Variants in EDRF1 observed in about 807,000 individuals in gnomAD.
The protein encoded by EDRF1 is erythroid differentiation-related factor 1.
A neutral mutation model predicts 148.7 loss-of-function variants in EDRF1; 69 were observed. The ratio of observed to expected loss-of-function variants is 0.46; its 90% CI spans 0.38 to 0.57. EDRF1 has a LOEUF of 0.57. Ranked by LOEUF, EDRF1 falls within the 20% of genes least tolerant of loss-of-function variation. The pLI, the probability that EDRF1 is intolerant of heterozygous loss-of-function variation, is 0.00. For missense variants in EDRF1, 1,118 were observed against 1,478.7 expected (o/e 0.76, Z 4.00); for synonymous variants, 515 against 532.8 (o/e 0.97, Z 0.46).
At chr10:125,737,729 T>G (rs1848813407) in intron 13 of EDRF1, among the ~76,000 whole-genome samples, 189 bp from the exon 14 acceptor site, 1 of 152,232 alleles carries the variant, frequency 6.6e-6, no homozygotes, top group Admixed American at 6.5e-5. Context: ...ACTACTCTAG[T>G]TCTTGCTTTT....
intron 13 of EDRF1, 122 bp downstream of exon 13, chr10:125,736,026 T>A: frequency 1.0e-6 from 1 of 982,202 alleles, no homozygotes; most frequent in Non-Finnish European, 1.5e-6. Flanking sequence ...CATCTAGTAA[T>A]CATTAGTTTT....
At position 125,741,094 on chromosome 10, in the gene EDRF1, T is replaced by C; in HGVS notation, c.2264T>C (p.Leu755Pro). 4 of 1,614,172 alleles carry C rather than the reference T, an allele frequency of 2.5e-6. No homozygotes were observed. The highest frequency in any genetic ancestry group is 3.4e-6 in the Non-Finnish European group (4 of 1,180,040). The change falls in exon 17 of 25, where the codon CTG (leucine) becomes CCG (proline). Residue 755 changes from leucine to proline, a missense_variant. By Grantham distance (98) the Leu-to-Pro change is moderately conservative. Coordinates refer to ENST00000356792, the MANE Select transcript of EDRF1 (RefSeq NM_001202438.2). Reference sequence around the variant, plus strand: ...CTTTGTGGTGATATCCAACTAATGCTGGCCCAGAATGCAAATAATAGAGCA... The same window carrying C: ...CTTTGTGGTGATATCCAACTAATGCCGGCCCAGAATGCAAATAATAGAGCA... ...LTLCGDIQLM[L>P]AQNANNRAAH...
intron 15 of EDRF1, 111 bp from the exon 16 acceptor site, chr10:125,740,352 C>A: frequency 9.0e-7 from 1 of 1,109,734 alleles, no homozygotes; most frequent in Non-Finnish European, 1.3e-6. Flanking sequence ...ATTTACCAGT[C>A]TTGTCACCTA....
At chr10:125,745,674 T>C in intron 18 of EDRF1, 33 bp from the exon 19 acceptor site, 1 of 1,606,198 alleles carries the variant, frequency 6.2e-7, no homozygotes, top group Non-Finnish European at 8.5e-7. Context: ...TGATGTCTGC[T>C]TACACAGTTG....
In EDRF1 at chr10:125,725,667, T is replaced by A; in HGVS notation, c.636-15T>A. Reference sequence around the variant, plus strand: ...TTTAGTAACAGCAATCCTTTTTTATTTCTGGTTTGGCCAGTATCAATGGTG... The same window carrying A: ...TTTAGTAACAGCAATCCTTTTTTATATCTGGTTTGGCCAGTATCAATGGTG... On this transcript the variant is annotated splice_polypyrimidine_tract_variant and intron_variant, in intron 5 of 24. Coordinates refer to ENST00000356792, the MANE Select transcript of EDRF1 (RefSeq NM_001202438.2). 6 of 1,614,098 alleles carry A rather than the reference T, an allele frequency of 3.7e-6. No individual in the cohort carries two copies. Among genetic ancestry groups the A allele is most frequent in the Non-Finnish European group, 5.1e-6 (6 of 1,179,994 alleles).
chr10:125,748,101 T>G, intron 21 of EDRF1, 89 bp downstream of exon 21: 4 of 1,475,512 alleles, frequency 2.7e-6, no homozygotes, highest in South Asian at 1.1e-5. Context: ...CATATATGTC[T>G]TCCTTGACGT....
Position 125,733,514 on chromosome 10 carries a change from T to C in EDRF1, c.1239T>C (p.Asn413=), listed in dbSNP as rs1848573400. The C allele has an allele frequency of 6.2e-7, 1 of 1,600,706 alleles. No individual in the cohort carries two copies. Among genetic ancestry groups the C allele is most frequent in the Non-Finnish European group, 8.6e-7 (1 of 1,168,004 alleles). ...AQNILSFLKS[N]CTKEGHTYWL... is the part of the protein sequence containing the mutation. Reference sequence around the variant, plus strand: ...ATATTTTATCATTTTTGAAATCTAATTGTACCAAAGAAGGACATACCTATT... The same window carrying C: ...ATATTTTATCATTTTTGAAATCTAACTGTACCAAAGAAGGACATACCTATT... Residue 413 remains asparagine, a synonymous_variant, in exon 10 of 25, where the codon AAT becomes AAC. Transcript: ENST00000356792.
intron 9 of EDRF1, among the ~76,000 whole-genome samples, chr10:125,732,299 A>G (rs924165222): frequency 1.3e-5 from 2 of 152,216 alleles, no homozygotes; most frequent in African/African-American, 4.8e-5. Flanking sequence ...CAGGAGTCAA[A>G]GGAGATTCCA....
At chr10:125,750,802 G>A (rs1455164216) in intron 22 of EDRF1, among the ~76,000 whole-genome samples, 1 of 152,190 alleles carries the variant, frequency 6.6e-6, no homozygotes, top group Non-Finnish European at 1.5e-5. Context: ...CTAGATGTGT[G>A]GGACAGTCAC....
intron 2 of EDRF1, 132 bp from the exon 3 acceptor site, chr10:125,722,936 C>G: frequency 1.2e-6 from 1 of 831,074 alleles, no homozygotes; most frequent in Non-Finnish European, 2.1e-6. Flanking sequence ...TGATACACAT[C>G]CTGGTTTCAG....
At position 125,749,793 on chromosome 10, in the gene EDRF1, T is replaced by C. The variant is rs188165121; in HGVS notation, c.3277+228T>C. 1.7e-4 allele frequency: 93 copies of C among 553,458 alleles called. 1 individual carries two copies. Among genetic ancestry groups the C allele is most frequent in the African/African-American group, 1.5e-3 (80 of 53,008 alleles). 34.3% of individuals were successfully genotyped at this position (553,458 alleles called of 1,614,324 possible). ...TTCAGTGACTAGAAATACTGAGATA[T>C]GGCCCATGACCCCTAGTTTGGAAAA... is the stretch of plus-strand genomic sequence containing the variant. On this transcript the variant is annotated intron_variant, in intron 22 of 24. Coordinates refer to ENST00000356792, the MANE Select transcript of EDRF1 (RefSeq NM_001202438.2).
At chr10:125,723,460 A>G (rs890728725) in intron 3 of EDRF1, among the ~76,000 whole-genome samples, 1 of 152,214 alleles carries the variant, frequency 6.6e-6, no homozygotes, top group African/African-American at 2.4e-5. Flanking sequence ...GTTACAAATG[A>G]TATTTCTAGT....
In EDRF1 at chr10:125,737,927, G is replaced by A; in HGVS notation, c.1768G>A (p.Ala590Thr). The A allele has an allele frequency of 6.2e-7, 1 of 1,613,836 alleles. No individual in the cohort carries two copies. Among genetic ancestry groups the A allele is most frequent in the East Asian group, 2.2e-5 (1 of 44,862 alleles). ...ATGTTTGTTCCTCAAGCCCAGTTGT[G>A]CATTTCCAGTTTGCCATGACACAGA... ...KSIHQIRPSC[A>T]FPVCHDTEER... is the part of the protein sequence containing the mutation. The change falls in exon 14 of 25, where the codon GCA becomes ACA. Residue 590 changes from alanine (A) to threonine (T), a missense_variant. Around this residue, in one of 3 missense-constraint regions of EDRF1, gnomAD observed 954 missense variants for 1,241.4 expected, o/e 0.77. Transcript: ENST00000356792.
intron 2 of EDRF1, among the ~76,000 whole-genome samples, chr10:125,722,058 T>C (rs11244624): frequency 0.25 from 37,586 of 151,526 alleles, 5,965 homozygotes; most frequent in Non-Finnish European, 0.37. Context: ...ACTAATACTT[T>C]ATGAGCTGGT....
chr10:125,729,492 C>T lies in EDRF1; in HGVS notation c.1016+13C>T, dbSNP rs758385197. 6.2e-7 allele frequency: 1 copy of T among 1,614,092 alleles called. No individual in the cohort carries two copies. Among genetic ancestry groups the T allele is most frequent in the South Asian group, 1.1e-5 (1 of 91,078 alleles). On this transcript the variant is annotated intron_variant, in intron 8 of 24. Transcript: ENST00000356792. ...GCTTACGTCTCAGGTGAACTAACAT[C>T]ATACCCCTCCTCAAGCTTATGGTAT...
chr10:125,762,841 A>T (rs547451542), intron 24 of EDRF1, among the ~76,000 whole-genome samples: 4 of 152,316 alleles, frequency 2.6e-5, no homozygotes, highest in African/African-American at 9.6e-5. Context: ...CTTGAGGAAC[A>T]GAGGAAATAC....
At chr10:125,747,378 T>TGAAA in intron 19 of EDRF1, 158 bp from the exon 20 acceptor site, 1 of 829,800 alleles carries the variant, frequency 1.2e-6, no homozygotes, top group Non-Finnish European at 1.9e-6. Flanking sequence ...AATATTTTCA[T>TGAAA]TGACTTACTT....
chr10:125,719,769 T>G lies in EDRF1; in HGVS notation c.-39T>G. 1 of 1,557,468 alleles carries G rather than the reference T, an allele frequency of 6.4e-7. No individual in the cohort carries two copies. The highest frequency in any genetic ancestry group is 8.8e-7 in the Non-Finnish European group (1 of 1,140,170). On this transcript the variant is annotated 5_prime_UTR_variant, in exon 1 of 25. Transcript: ENST00000356792. ...GGGCCTGCGTTGCTGCTGCTGCTCC[T>G]CCGCTCCCCCGTCGTATCGCCTGCC... is the stretch of plus-strand genomic sequence containing the variant.
intron 12 of EDRF1, 65 bp downstream of exon 12, chr10:125,734,248 G>A: frequency 8.2e-7 from 1 of 1,224,406 alleles, no homozygotes; most frequent in Non-Finnish European, 1.2e-6. Flanking sequence ...TTGTTACCTA[G>A]ACAGTAAAGC....
Sources: gnomAD v4.1 joint callset for allele counts (sites outside exome capture counted in the v4.1 genomes callset) on GRCh38, gnomAD v4.1.1 for gene constraint, gnomAD v4.1.1 regional missense constraint, MANE v1.5 for transcripts, NCBI Gene and HGNC (gene_info 2026-07-23, HGNC 2026-07-21) for gene names.